Variants in LUZP2 observed in about 807,000 individuals in gnomAD.
LUZP2 encodes the protein leucine zipper protein 2.
A neutral mutation model predicts 51.6 loss-of-function variants in LUZP2; 52 were observed. The ratio of observed to expected loss-of-function variants is 1.01; its 90% CI spans 0.81 to 1.27. The LOEUF (loss-of-function observed/expected upper bound fraction) is 1.27. LUZP2 is among the 50% of genes most tolerant of loss of function. The probability of loss-of-function intolerance (pLI) is 0.00; values close to 1 mark genes in which losing one functional copy is unlikely to be tolerated. For missense variants in LUZP2, 436 were observed against 395.4 expected (o/e 1.10, Z -0.87); for synonymous variants, 154 against 137.3 (o/e 1.12, Z -0.85).
At chr11:24,628,552 T>C (rs377509487) in intron 1 of LUZP2, among the ~76,000 whole-genome samples, 7 of 152,226 alleles carry the variant, frequency 4.6e-5, no homozygotes, top group African/African-American at 1.7e-4. Flanking sequence ...CCTGGTCCTT[T>C]ATTTTATTTA....
chr11:24,906,956 GAAGT>G (rs368346284), intron 6 of LUZP2, among the ~76,000 whole-genome samples: 263 of 152,266 alleles, frequency 1.7e-3, no homozygotes, highest in African/African-American at 6.0e-3. Context: ...GAGTTGTCTA[GAAGT>G]AAGGCGAAGA....
At chr11:24,822,184 C>A (rs1286948428) in intron 5 of LUZP2, among the ~76,000 whole-genome samples, 1 of 152,096 alleles carries the variant, frequency 6.6e-6, no homozygotes, top group African/African-American at 2.4e-5. Context: ...ATTTCCCCTA[C>A]TATAGAAGTC....
intron 5 of LUZP2, among the ~76,000 whole-genome samples, chr11:24,894,239 G>T (rs546205717): frequency 6.7e-6 from 1 of 149,178 alleles, no homozygotes; most frequent in East Asian, 2.0e-4. Context: ...CAATGACATG[G>T]TCTTGACTCA....
intron 5 of LUZP2, among the ~76,000 whole-genome samples, chr11:24,768,903 T>G (rs562049607): frequency 6.6e-6 from 1 of 152,314 alleles, no homozygotes; most frequent in Admixed American, 6.5e-5. Context: ...TTGTTATATA[T>G]CCAAAGGAAA....
chr11:24,900,362 T>C (rs988343034), intron 5 of LUZP2, among the ~76,000 whole-genome samples: 8 of 152,154 alleles, frequency 5.3e-5, no homozygotes, highest in African/African-American at 1.9e-4. Context: ...AAATTGAATG[T>C]CTAGGTGAGC....
chr11:25,028,668 A>G (rs1018194162), intron 9 of LUZP2, among the ~76,000 whole-genome samples: 6 of 151,038 alleles, frequency 4.0e-5, no homozygotes, highest in Middle Eastern at 3.4e-3. Flanking sequence ...GAGTAGAATT[A>G]TGTACCATTT....
At chr11:25,016,273 A>G (rs1857152660) in intron 9 of LUZP2, among the ~76,000 whole-genome samples, 1 of 152,004 alleles carries the variant, frequency 6.6e-6, no homozygotes, top group South Asian at 2.1e-4. Context: ...TATTTTACCC[A>G]ACATATAATT....
At chr11:24,787,266 T>TA (rs557496318) in intron 5 of LUZP2, among the ~76,000 whole-genome samples, 60 of 152,276 alleles carry the variant, frequency 3.9e-4, no homozygotes, top group Admixed American at 8.5e-4. Flanking sequence ...CTAATGATGT[T>TA]AAAAAAGATT....
At chr11:25,065,614 C>A (rs1257640634) in intron 10 of LUZP2, among the ~76,000 whole-genome samples, 1 of 151,998 alleles carries the variant, frequency 6.6e-6, no homozygotes, top group Non-Finnish European at 1.5e-5. Flanking sequence ...GTCATGAAAT[C>A]TCTTATGTGA....
intron 3 of LUZP2, among the ~76,000 whole-genome samples, chr11:24,735,028 A>G (rs1345890003): frequency 6.6e-6 from 1 of 151,958 alleles, no homozygotes; most frequent in East Asian, 1.9e-4. Context: ...CCAATCAATT[A>G]GTGTCTCCCT....
intron 5 of LUZP2, among the ~76,000 whole-genome samples, chr11:24,826,170 C>A (rs1412046956): frequency 5.0e-5 from 2 of 39,814 alleles, no homozygotes; most frequent in Non-Finnish European, 8.8e-5. Flanking sequence ...AGCGAGACTC[C>A]ATCTCAAAAA....
rs150350248 is a variant in LUZP2, at chr11:24,845,137, G to A, written c.397-60854G>A. Among the ~76,000 whole-genome samples, 678 of 152,254 alleles carry A rather than the reference G, an allele frequency of 4.5e-3. 6 individuals are homozygous for A. The highest frequency in any genetic ancestry group is 0.015 in the African/African-American group (626 of 41,556). ...AAGCAGCAGACACTCAATGCCAGCCGGTGAAGGCAGCCAGGAGGAGGCTGT... is the reference window on the plus strand; with the variant it reads ...AAGCAGCAGACACTCAATGCCAGCCAGTGAAGGCAGCCAGGAGGAGGCTGT... On this transcript the variant is annotated intron_variant, in intron 5 of 11. Transcript: ENST00000336930.
At chr11:25,057,320 T>C (rs1326433167) in intron 10 of LUZP2, among the ~76,000 whole-genome samples, 2 of 152,126 alleles carry the variant, frequency 1.3e-5, no homozygotes, top group African/African-American at 2.4e-5. Context: ...GTATGCCCTA[T>C]GTAAACCAGG....
intron 5 of LUZP2, among the ~76,000 whole-genome samples, chr11:24,871,891 A>G (rs2134269129): frequency 6.6e-6 from 1 of 152,282 alleles, no homozygotes; most frequent in East Asian, 1.9e-4. Flanking sequence ...TCCCCAAACT[A>G]TAATAGTATA....
intron 5 of LUZP2, among the ~76,000 whole-genome samples, chr11:24,895,029 T>C (rs1852992721): frequency 6.6e-6 from 1 of 152,186 alleles, no homozygotes; most frequent in South Asian, 2.1e-4. Flanking sequence ...AAATTTTTTA[T>C]ATAGGCAAGA....
At chr11:24,981,990 G>A (rs560754796) in intron 8 of LUZP2, among the ~76,000 whole-genome samples, 1 of 151,812 alleles carries the variant, frequency 6.6e-6, no homozygotes, top group Non-Finnish European at 1.5e-5. Context: ...CACACATGTG[G>A]CCAACAAGCA....
intron 1 of LUZP2, among the ~76,000 whole-genome samples, chr11:24,727,226 A>G (rs952960272): frequency 1.3e-5 from 2 of 152,104 alleles, no homozygotes; most frequent in African/African-American, 2.4e-5. Flanking sequence ...AGCAATATAC[A>G]GTAAGTTCTT....
intron 7 of LUZP2, among the ~76,000 whole-genome samples, chr11:24,960,213 T>G (rs1412603156): frequency 6.6e-6 from 1 of 152,168 alleles, no homozygotes; most frequent in African/African-American, 2.4e-5. Flanking sequence ...AAAATTCTCT[T>G]TTTTTGTTGT....
chr11:24,664,223 A>T (rs1856134004), intron 1 of LUZP2, among the ~76,000 whole-genome samples: 1 of 152,054 alleles, frequency 6.6e-6, no homozygotes, highest in Admixed American at 6.6e-5. Context: ...CTTCCTAGAG[A>T]CTTGTTAAAT....
Sources: gnomAD v4.1 joint callset for allele counts (sites outside exome capture counted in the v4.1 genomes callset) on GRCh38, gnomAD v4.1.1 for gene constraint, MANE v1.5 for transcripts, NCBI Gene and HGNC (gene_info 2026-07-23, HGNC 2026-07-21) for gene names.